SUMF1: variants seen among roughly 807,000 people sequenced by gnomAD.
SUMF1 encodes formylglycine-generating enzyme.
Under a neutral mutation model 47.6 loss-of-function variants are expected in SUMF1, and 48 were observed. That is an observed-to-expected ratio of 1.01 (90% confidence interval 0.80 to 1.28). The LOEUF (loss-of-function observed/expected upper bound fraction) is 1.28. Ranked by LOEUF, SUMF1 falls within the 50% of genes most tolerant of loss-of-function variation. SUMF1 has a pLI of 0.00. For missense variants in SUMF1, 571 were observed against 485.4 expected, an observed-to-expected ratio of 1.18 and a Z score of -1.66; for synonymous variants, 230 against 192.1, an observed-to-expected ratio of 1.20 and a Z score of -1.63.
At chr3:4,249,659 A>T (rs13082951) in intron 8 of SUMF1, among the ~76,000 whole-genome samples, 2 of 151,920 alleles carry the variant, frequency 1.3e-5, no homozygotes, top group Non-Finnish European at 2.9e-5. Flanking sequence ...AATTATGCCA[A>T]CTAATAACCC....
chr3:4,191,165 C>A (rs1216961470), intron 8 of SUMF1, among the ~76,000 whole-genome samples: 1 of 152,116 alleles, frequency 6.6e-6, no homozygotes, highest in Admixed American at 6.6e-5. Context: ...CCAGGAAACT[C>A]ATCTTGAGGC....
intron 8 of SUMF1, among the ~76,000 whole-genome samples, chr3:4,175,910 G>T (rs563480203): frequency 6.6e-6 from 1 of 152,130 alleles, no homozygotes; most frequent in Non-Finnish European, 1.5e-5. Flanking sequence ...TTCAATAGCC[G>T]ATTTGATAAA....
intron 3 of SUMF1, among the ~76,000 whole-genome samples, chr3:4,446,963 A>C (rs1702802075): frequency 6.6e-6 from 1 of 152,194 alleles, no homozygotes; most frequent in South Asian, 2.1e-4. Context: ...ATTATAAAGA[A>C]ATGCAAAGAA....
At chr3:4,177,812 A>G (rs1184045667) in intron 8 of SUMF1, among the ~76,000 whole-genome samples, 2 of 152,164 alleles carry the variant, frequency 1.3e-5, no homozygotes, top group East Asian at 3.8e-4. Flanking sequence ...ATAAAGAAGA[A>G]AAGAGAGAAG....
intron 7 of SUMF1, among the ~76,000 whole-genome samples, chr3:4,392,912 T>G (rs1419698581): frequency 6.6e-6 from 1 of 152,092 alleles, no homozygotes; most frequent in African/African-American, 2.4e-5. Flanking sequence ...AGAGGCTATC[T>G]CAGATACTTT....
At chr3:4,453,360 G>A (rs1407741252) in intron 1 of SUMF1, among the ~76,000 whole-genome samples, 2 of 152,032 alleles carry the variant, frequency 1.3e-5, no homozygotes, top group African/African-American at 4.8e-5. Context: ...GAGGTAGCGA[G>A]AATATCCCAC....
chr3:4,357,657 G>C (rs1325782650), downstream of SUMF1, among the ~76,000 whole-genome samples: 1 of 151,188 alleles, frequency 6.6e-6, no homozygotes, highest in Non-Finnish European at 1.5e-5. Context: ...CACCCAAGCT[G>C]GAGTGCAATG....
intron 8 of SUMF1, among the ~76,000 whole-genome samples, chr3:4,181,036 G>A (rs1432708319): frequency 6.6e-6 from 1 of 152,120 alleles, no homozygotes; most frequent in South Asian, 2.1e-4. Context: ...GAGTAAAAAT[G>A]TATCTTATGT....
intron 8 of SUMF1, among the ~76,000 whole-genome samples, chr3:4,144,097 C>G (rs1694139203): frequency 6.7e-6 from 1 of 150,052 alleles, no homozygotes; most frequent in South Asian, 2.1e-4. Context: ...CTCAAGCAAT[C>G]TAGGACCACA....
intron 8 of SUMF1, among the ~76,000 whole-genome samples, chr3:4,321,676 A>G (rs896687985): frequency 6.6e-6 from 1 of 152,172 alleles, no homozygotes; most frequent in African/African-American, 2.4e-5. Flanking sequence ...GAATCAATAA[A>G]TAAATGGGGT....
At chr3:4,412,179 C>T (rs1701564662) in intron 6 of SUMF1, among the ~76,000 whole-genome samples, 1 of 152,186 alleles carries the variant, frequency 6.6e-6, no homozygotes, top group South Asian at 2.1e-4. Context: ...ATTCCATGCA[C>T]AGTGACTAAA....
chr3:4,206,961 AAACTAAGTCTTCT>A (rs569982011), intron 8 of SUMF1, among the ~76,000 whole-genome samples: 226 of 152,296 alleles, frequency 1.5e-3, no homozygotes, highest in African/African-American at 5.2e-3. Context: ...CATTTTAACT[AAACTAAGTCTTCT>A]AATCCACAAA....
At chr3:4,154,045 T>G (rs779305621) in intron 8 of SUMF1, among the ~76,000 whole-genome samples, 11 of 151,434 alleles carry the variant, frequency 7.3e-5, no homozygotes, top group Non-Finnish European at 1.2e-4. Context: ...AGTTGAACAC[T>G]GTAACATGGA....
chr3:4,362,389 G>A (rs972605062), intron 8 of SUMF1, 135 bp from the exon 9 acceptor site: 2 of 740,134 alleles, frequency 2.7e-6, no homozygotes, highest in African/African-American at 3.5e-5. Context: ...TAACATGTAT[G>A]CTTTAAAAAG....
intron 9 of SUMF1, among the ~76,000 whole-genome samples, chr3:4,064,811 C>T (rs17039755): frequency 0.041 from 6,271 of 152,196 alleles, 456 homozygotes; most frequent in African/African-American, 0.14. Context: ...AGAAGGAGTA[C>T]GCTTCAGCCA....
At position 4,315,975 on chromosome 3, in the gene SUMF1, A is replaced by G. The variant is rs367644981; in HGVS notation, c.1014+60355T>C. Among the ~76,000 whole-genome samples, 23 of 147,158 alleles carry G rather than the reference A, an allele frequency of 1.6e-4. 1 individual carries two copies. The East Asian group carries it at 1.7e-3, about 11-fold the overall frequency. On this transcript the variant is annotated intron_variant and NMD_transcript_variant, in intron 8 of 12. Transcript: ENST00000448413. ...GGTACGAGAATCACTTGAGCCCAGG[A>G]GGCAGAGGTTGCAGTGAGCCAAGAC...
chr3:4,247,118 C>T (rs1237072541), intron 8 of SUMF1, among the ~76,000 whole-genome samples: 1 of 152,116 alleles, frequency 6.6e-6, no homozygotes, highest in East Asian at 1.9e-4. Context: ...CAATACAAGG[C>T]AAAGGAGGCA....
At chr3:4,464,554 TAAAC>T (rs2079893924) in intron 1 of SUMF1, among the ~76,000 whole-genome samples, 1 of 152,022 alleles carries the variant, frequency 6.6e-6, no homozygotes, top group Non-Finnish European at 1.5e-5. Flanking sequence ...ATGTGCCAAA[TAAAC>T]ATTTGTTTAA....
chr3:4,113,972 G>C (rs868088441), intron 8 of SUMF1, among the ~76,000 whole-genome samples: 5 of 151,974 alleles, frequency 3.3e-5, no homozygotes, highest in Admixed American at 2.6e-4. Flanking sequence ...AAACAGAAAG[G>C]TCATCACTTC....
Sources: allele counts gnomAD v4.1 joint callset (sites outside exome capture counted in the v4.1 genomes callset), GRCh38; gene constraint gnomAD v4.1.1; transcripts MANE v1.5; gene names NCBI Gene and HGNC (gene_info 2026-07-23, HGNC 2026-07-21).